The following MERTK variants were observed in gnomAD, a reference collection of about 807,000 sequenced individuals.
MERTK encodes the protein tyrosine-protein kinase Mer.
MERTK carries 69 observed loss-of-function variants against 99.3 expected under a neutral mutation model. That is an observed-to-expected ratio of 0.70 (90% CI 0.57 to 0.85). The LOEUF is 0.85. Ranked by LOEUF, MERTK falls within the 40% of genes least tolerant of loss-of-function variation. The pLI is 0.00. For synonymous variants in MERTK, 426 were observed against 467.6 expected, an observed-to-expected ratio of 0.91 and a Z score of 1.15; for missense variants, 1,125 against 1,249.4, an observed-to-expected ratio of 0.90 and a Z score of 1.50.
chr2:111,900,283 A>G (rs1456991421), intron 1 of MERTK, among the ~76,000 whole-genome samples: 1 of 152,198 alleles, frequency 6.6e-6, no homozygotes, highest in African/African-American at 2.4e-5. Context: ...TTACATAAGC[A>G]ATTTATAATT....
chr2:112,016,752 C>G (rs760388421), intron 15 of MERTK, among the ~76,000 whole-genome samples: 6 of 152,210 alleles, frequency 3.9e-5, no homozygotes, highest in Non-Finnish European at 7.3e-5. Flanking sequence ...CCTGCTAGAG[C>G]TTCAGGGAAG....
chr2:111,926,796 T>C (rs570200565), intron 1 of MERTK, among the ~76,000 whole-genome samples: 2 of 152,292 alleles, frequency 1.3e-5, no homozygotes, highest in South Asian at 4.1e-4. Context: ...TCTGCAGGTA[T>C]GAGACAAACA....
At chr2:112,009,297 G>A (rs1426625866) in intron 14 of MERTK, among the ~76,000 whole-genome samples, 1 of 152,172 alleles carries the variant, frequency 6.6e-6, no homozygotes, top group Non-Finnish European at 1.5e-5. Context: ...GAGAACAATT[G>A]CACTTTGTGA....
In MERTK at chr2:111,929,163, C is replaced by T. The variant is rs759971068; in HGVS notation, c.105C>T (p.Phe35=). The part of the protein sequence containing the change: ...AREEAKPYPL[F]PGPFPGSLQT... ...AAGAAGCCAAGCCTTACCCGCTATTCCCGGGACCTTTTCCAGGGAGCCTGC... is the reference window on the plus strand; with the variant it reads ...AAGAAGCCAAGCCTTACCCGCTATTTCCGGGACCTTTTCCAGGGAGCCTGC... Residue 35 remains phenylalanine (F), a synonymous_variant, in exon 2 of 19, where the codon TTC becomes TTT. Transcript: ENST00000295408. 6.2e-7 allele frequency: 1 copy of T among 1,614,146 alleles called. No individual in the cohort carries two copies. Among genetic ancestry groups the T allele is most frequent in the Non-Finnish European group, 8.5e-7 (1 of 1,180,024 alleles).
At chr2:111,972,389 T>G (rs1314026813) in intron 6 of MERTK, among the ~76,000 whole-genome samples, 3 of 151,974 alleles carry the variant, frequency 2.0e-5, no homozygotes, top group African/African-American at 7.2e-5. Flanking sequence ...TCAGGAAGAG[T>G]ACCACCCCAC....
chr2:111,981,458 A>G (rs925945763), intron 7 of MERTK, among the ~76,000 whole-genome samples: 6 of 152,144 alleles, frequency 3.9e-5, no homozygotes, highest in Non-Finnish European at 5.9e-5. Flanking sequence ...TCTGTTGCCC[A>G]GGCTGAAGTG....
chr2:111,929,511 T>G lies in MERTK; in HGVS notation c.453T>G (p.Asp151Glu), dbSNP rs1684629899. ...HHAITQFYPD[D>E]EVTAIIASFS... is the part of the protein sequence containing the mutation. Reference sequence around the variant, plus strand: ...CAATTACACAGTTTTATCCAGATGATGAAGTTACAGCAATAATCGCTTCCT... The same window carrying G: ...CAATTACACAGTTTTATCCAGATGAGGAAGTTACAGCAATAATCGCTTCCT... Residue 151 changes from aspartate (D) to glutamate (E), a missense_variant, in exon 2 of 19, where the codon GAT becomes GAG. Physicochemically the swap from Asp to Glu is conservative, Grantham distance 45. Transcript: ENST00000295408. The G allele has an allele frequency of 1.9e-6, 3 of 1,613,798 alleles. No individual in the cohort carries two copies.
chr2:111,941,051 ACT>A, intron 2 of MERTK: 1 of 493,124 alleles, frequency 2.0e-6, no homozygotes, highest in Non-Finnish European at 3.9e-6. Context: ...CCCGCTTCTC[ACT>A]CTCTTTGGCT....
At position 111,948,636 on chromosome 2, in the gene MERTK, A is replaced by C. The variant is rs148608351; in HGVS notation, c.757+1069A>C. On this transcript the variant is annotated intron_variant, in intron 4 of 18. Coordinates refer to ENST00000295408, the MANE Select transcript of MERTK (RefSeq NM_006343.3). ...CCATCCTTCCTTTTTCTCATTTTTCATGTTGGCATCAGCAGTTCTGTCAGT... is the reference window on the plus strand; with the variant it reads ...CCATCCTTCCTTTTTCTCATTTTTCCTGTTGGCATCAGCAGTTCTGTCAGT... Among the ~76,000 whole-genome samples the C allele has an allele frequency of 2.4e-3, 367 of 152,108 alleles. 9 individuals carry two copies. The highest frequency in any genetic ancestry group is 5.8e-3 in the East Asian group (30 of 5,176).
intron 4 of MERTK, among the ~76,000 whole-genome samples, chr2:111,963,387 C>T (rs1019373111): frequency 6.6e-6 from 1 of 152,216 alleles, no homozygotes; most frequent in Non-Finnish European, 1.5e-5. Context: ...AGCACAGATC[C>T]TTTACGGGTG....
At chr2:111,981,450 T>C (rs2104739932) in intron 7 of MERTK, among the ~76,000 whole-genome samples, 1 of 152,290 alleles carries the variant, frequency 6.6e-6, no homozygotes, top group South Asian at 2.1e-4. Flanking sequence ...AGTCTCACTC[T>C]GTTGCCCAGG....
At chr2:112,013,038 C>T (rs1269081411) in intron 15 of MERTK, among the ~76,000 whole-genome samples, 3 of 151,838 alleles carry the variant, frequency 2.0e-5, no homozygotes, top group African/African-American at 7.3e-5. Context: ...GCTTTTTTTC[C>T]CCCTTTTACT....
intron 13 of MERTK, 85 bp downstream of exon 13, chr2:112,004,069 C>G: frequency 8.0e-7 from 1 of 1,249,750 alleles, no homozygotes; most frequent in Non-Finnish European, 1.2e-6. Flanking sequence ...ATGTCACAAT[C>G]TCAGTTCCCA....
chr2:111,914,380 C>G (rs1684311032), intron 1 of MERTK, among the ~76,000 whole-genome samples: 1 of 152,000 alleles, frequency 6.6e-6, no homozygotes, highest in South Asian at 2.1e-4. Flanking sequence ...CGGGTTCATG[C>G]CATTCTCCTG....
chr2:112,003,743 A>G (rs994529008), intron 12 of MERTK, among the ~76,000 whole-genome samples, 161 bp from the exon 13 acceptor site: 1 of 152,182 alleles, frequency 6.6e-6, no homozygotes, highest in Non-Finnish European at 1.5e-5. Context: ...GTGGCGCATC[A>G]CCCTGGTTTG....
chr2:112,008,118 G>A (rs1477511159), intron 13 of MERTK, among the ~76,000 whole-genome samples: 1 of 152,024 alleles, frequency 6.6e-6, no homozygotes, highest in Admixed American at 6.6e-5. Context: ...TGTGGGTTTT[G>A]ACAAATGTGT....
intron 8 of MERTK, among the ~76,000 whole-genome samples, chr2:111,987,713 A>T (rs870761): frequency 0.23 from 35,122 of 152,224 alleles, 4,366 homozygotes; most frequent in Middle Eastern, 0.36. Context: ...GAATTACAAA[A>T]TATTGCATAT....
At chr2:112,023,222 C>G (rs886342263) in intron 18 of MERTK, among the ~76,000 whole-genome samples, 1 of 152,022 alleles carries the variant, frequency 6.6e-6, no homozygotes, top group East Asian at 1.9e-4. Context: ...AGACCATCCT[C>G]GCTAACACAG....
chr2:112,014,443 C>T lies in MERTK; in HGVS notation c.2079+4377C>T, dbSNP rs559605988. Among the ~76,000 whole-genome samples, 23 of 152,178 alleles carry T rather than the reference C, an allele frequency of 1.5e-4. No individual in the cohort carries two copies. In the South Asian group the frequency reaches 3.9e-3, roughly 26 times the overall value. ...CCTCCCGAAGTGCTGGGATGACAGG[C>T]GTGAGCCACCGTGCCTAGCTGTTAC... On this transcript the variant is annotated intron_variant, in intron 15 of 18. Transcript: ENST00000295408.
Sources: allele counts gnomAD v4.1 joint callset (sites outside exome capture counted in the v4.1 genomes callset), GRCh38; gene constraint gnomAD v4.1.1; transcripts MANE v1.5; gene names NCBI Gene and HGNC (gene_info 2026-07-23, HGNC 2026-07-21).